GABRG3: variants seen among roughly 807,000 people sequenced by gnomAD.
GABRG3 encodes the protein gamma-aminobutyric acid type A receptor subunit gamma3.
GABRG3 carries 25 observed loss-of-function variants against 48.8 expected under a neutral mutation model. The observed-to-expected ratio is 0.51, with a 90% CI of 0.37 to 0.72. GABRG3 has a LOEUF of 0.72. Ranked by LOEUF, GABRG3 falls within the 30% of genes least tolerant of loss-of-function variation. The pLI, the probability that GABRG3 is intolerant of heterozygous loss-of-function variation, is 0.00. For synonymous variants in GABRG3, 227 were observed against 217.6 expected, an observed-to-expected ratio of 1.04 and a Z score of -0.38; for missense variants, 394 against 577.9, an observed-to-expected ratio of 0.68 and a Z score of 3.26.
chr15:27,112,882 C>T (rs1341154857), intron 3 of GABRG3, among the ~76,000 whole-genome samples: 1 of 152,132 alleles, frequency 6.6e-6, no homozygotes, highest in African/African-American at 2.4e-5. Flanking sequence ...CCTTTTTCCC[C>T]GTTGTATTAT....
At chr15:27,001,136 C>T (rs1895439187) in intron 2 of GABRG3, among the ~76,000 whole-genome samples, 1 of 152,208 alleles carries the variant, frequency 6.6e-6, no homozygotes, top group African/African-American at 2.4e-5. Flanking sequence ...TGCATGTTTG[C>T]AGCCTCAGTG....
intron 3 of GABRG3, among the ~76,000 whole-genome samples, chr15:27,279,728 A>C (rs1891372671): frequency 1.3e-5 from 2 of 152,180 alleles, no homozygotes; most frequent in Admixed American, 6.5e-5. Context: ...TCTCTTTAAA[A>C]AATTTTTTTA....
In GABRG3 at chr15:27,319,659, C is replaced by G. The variant is rs1483116734; in HGVS notation, c.271-7150C>G. Among the ~76,000 whole-genome samples the G allele has an allele frequency of 6.6e-6, 1 of 152,010 alleles. No homozygotes were observed. Among genetic ancestry groups the G allele is most frequent in the Non-Finnish European group, 1.5e-5 (1 of 68,018 alleles). ...GGATAAGAGGGTGTCCAGGCGTGGG[C>G]AGAGCACAAATGGGATGGGGAGGAA... On this transcript the variant is annotated intron_variant, in intron 3 of 9. Coordinates refer to ENST00000615808, the MANE Select transcript of GABRG3 (RefSeq NM_033223.5). The surrounding 1 kb of genome is among the most constrained non-coding windows in gnomAD (Gnocchi z 4.4).
At chr15:27,174,939 G>A (rs1038643918) in intron 3 of GABRG3, among the ~76,000 whole-genome samples, 10 of 152,108 alleles carry the variant, frequency 6.6e-5, no homozygotes, top group Non-Finnish European at 1.2e-4. Flanking sequence ...ACATGGACAC[G>A]TGGGCATTGC....
intron 3 of GABRG3, among the ~76,000 whole-genome samples, chr15:27,260,702 G>T (rs1272087496): frequency 2.0e-5 from 3 of 152,136 alleles, no homozygotes; most frequent in Non-Finnish European, 4.4e-5. Flanking sequence ...GACTCAGACA[G>T]TTGGCCTCCT....
chr15:27,482,102 T>G (rs1645443485), intron 6 of GABRG3, among the ~76,000 whole-genome samples: 1 of 152,148 alleles, frequency 6.6e-6, no homozygotes, highest in Non-Finnish European at 1.5e-5. Flanking sequence ...CTCAGAAAAG[T>G]GGCAAATAGA....
At chr15:27,450,205 G>A (rs947008355) in intron 5 of GABRG3, among the ~76,000 whole-genome samples, 5 of 152,078 alleles carry the variant, frequency 3.3e-5, no homozygotes, top group Non-Finnish European at 7.4e-5. Flanking sequence ...CTCTCCTGCC[G>A]TCATTTTTTT....
chr15:27,321,571 C>T (rs1893426854), intron 3 of GABRG3, among the ~76,000 whole-genome samples: 1 of 152,222 alleles, frequency 6.6e-6, no homozygotes, highest in Non-Finnish European at 1.5e-5. Flanking sequence ...ACCTGAACAA[C>T]CTTTAATTGG....
chr15:27,050,459 C>T (rs1304701112), intron 3 of GABRG3, among the ~76,000 whole-genome samples: 8 of 152,186 alleles, frequency 5.3e-5, no homozygotes. Flanking sequence ...AGGGCAGCCA[C>T]ACACCATTGC....
intron 6 of GABRG3, among the ~76,000 whole-genome samples, chr15:27,507,519 T>C (rs974307803): frequency 6.6e-6 from 1 of 151,842 alleles, no homozygotes; most frequent in Non-Finnish European, 1.5e-5. Flanking sequence ...ATAAAAATAA[T>C]AAATAAATAA....
chr15:27,234,823 T>A (rs1889905307), intron 3 of GABRG3, among the ~76,000 whole-genome samples: 2 of 152,180 alleles, frequency 1.3e-5, no homozygotes, highest in African/African-American at 4.8e-5. Flanking sequence ...AGGGATCTAC[T>A]CCAAAGCAGG....
intron 3 of GABRG3, among the ~76,000 whole-genome samples, chr15:27,323,884 A>G (rs1300753784): frequency 1.3e-5 from 2 of 152,108 alleles, no homozygotes; most frequent in Non-Finnish European, 2.9e-5. Context: ...TCTGCTCCAC[A>G]CAGTCTCTCA....
intron 5 of GABRG3, among the ~76,000 whole-genome samples, chr15:27,461,794 G>A (rs183258935): frequency 2.6e-3 from 396 of 152,194 alleles, no homozygotes; most frequent in African/African-American, 8.8e-3. Context: ...TAAGCCCAGC[G>A]GGCTTCAATT....
intron 3 of GABRG3, among the ~76,000 whole-genome samples, chr15:27,105,749 A>G (rs1407091903): frequency 6.6e-6 from 1 of 152,102 alleles, no homozygotes; most frequent in Non-Finnish European, 1.5e-5. Flanking sequence ...TTTTTAACAA[A>G]ATTAAAAATA....
intron 3 of GABRG3, among the ~76,000 whole-genome samples, chr15:27,140,935 T>C (rs1360253921): frequency 6.6e-6 from 1 of 152,166 alleles, no homozygotes; most frequent in Non-Finnish European, 1.5e-5. Flanking sequence ...GAGAGAGAGC[T>C]TTACTGTAAG....
intron 3 of GABRG3, among the ~76,000 whole-genome samples, chr15:27,093,031 C>G (rs1484205899): frequency 1.3e-5 from 2 of 152,090 alleles, no homozygotes; most frequent in Admixed American, 1.3e-4. Flanking sequence ...TCACTGAACC[C>G]TACCCCACGG....
At chr15:27,308,245 T>G (rs965352565) in intron 3 of GABRG3, among the ~76,000 whole-genome samples, 1 of 140,588 alleles carries the variant, frequency 7.1e-6, no homozygotes, top group African/African-American at 2.6e-5. Flanking sequence ...TCCAAACATA[T>G]ATAAACATAC....
intron 5 of GABRG3, among the ~76,000 whole-genome samples, chr15:27,419,974 A>T (rs947141733): frequency 6.6e-6 from 1 of 152,216 alleles, no homozygotes; most frequent in South Asian, 2.1e-4. Flanking sequence ...AAAAAATCAT[A>T]ATCTGTTTTC....
intron 3 of GABRG3, among the ~76,000 whole-genome samples, chr15:27,250,140 G>A (rs555023624): frequency 3.1e-4 from 47 of 152,174 alleles, no homozygotes; most frequent in African/African-American, 1.1e-3. Flanking sequence ...GGCCAGCCAC[G>A]TGTGAGTTCA....
Sources: allele counts gnomAD v4.1 joint callset (sites outside exome capture counted in the v4.1 genomes callset), GRCh38; gene constraint gnomAD v4.1.1; non-coding constraint Gnocchi (gnomAD v3.1); transcripts MANE v1.5; gene names NCBI Gene and HGNC (gene_info 2026-07-23, HGNC 2026-07-21).